COL23A1: variants seen among roughly 807,000 people sequenced by gnomAD.
The protein encoded by COL23A1 is collagen type XXIII alpha 1 chain, also known as collagen alpha-1(XXIII) chain.
Under a neutral mutation model 99.3 loss-of-function variants are expected in COL23A1, and 97 were observed. That is an observed-to-expected ratio of 0.98 (90% CI 0.83 to 1.16). The LOEUF is 1.16. Among genes scored for constraint, COL23A1 ranks in the 50% most tolerant of loss-of-function variants. The pLI, the probability that COL23A1 is intolerant of heterozygous loss-of-function variation, is 0.00. For missense variants in COL23A1, 762 were observed against 757.4 expected, an observed-to-expected ratio of 1.01 and a Z score of -0.07; for synonymous variants, 320 against 308.2, an observed-to-expected ratio of 1.04 and a Z score of -0.40.
At chr5:178,350,461 G>A (rs1761257583) in intron 2 of COL23A1, among the ~76,000 whole-genome samples, 1 of 152,190 alleles carries the variant, frequency 6.6e-6, no homozygotes, top group Non-Finnish European at 1.5e-5. Context: ...CCGTCAGGAA[G>A]CAAGGCTGGA....
At chr5:178,486,487 T>C (rs1393438611) in intron 2 of COL23A1, among the ~76,000 whole-genome samples, 1 of 152,052 alleles carries the variant, frequency 6.6e-6, no homozygotes, top group Non-Finnish European at 1.5e-5. Context: ...ACACGGCCGT[T>C]AGCAAAAAGC....
Position 178,468,749 on chromosome 5 carries a change from G to T in COL23A1, c.361+91933C>A, listed in dbSNP as rs1447163436. On this transcript the variant is annotated intron_variant, in intron 2 of 28. Coordinates refer to ENST00000390654, the MANE Select transcript of COL23A1 (RefSeq NM_173465.4). This position sits in a 1 kb window ranked among gnomAD's most constrained non-coding sequence, Gnocchi z 4.2. ...CTTTTCAAATTAAAAAAAGTATTGT[G>T]GTAAAATATGCATAACATACAATTT... 2.0e-5 allele frequency among the ~76,000 whole-genome samples: 3 copies of T among 152,122 alleles called. No homozygotes were observed. The highest frequency in any genetic ancestry group is 4.4e-5 in the Non-Finnish European group (3 of 68,014).
chr5:178,534,350 C>A (rs775332957), intron 2 of COL23A1, among the ~76,000 whole-genome samples: 12 of 152,250 alleles, frequency 7.9e-5, no homozygotes, highest in Non-Finnish European at 1.6e-4. Flanking sequence ...CTTCCAAAGG[C>A]CCCGCCTCCC....
intron 18 of COL23A1, among the ~76,000 whole-genome samples, chr5:178,249,716 A>ACACACACACACTCACTCT: frequency 1.1e-5 from 1 of 92,752 alleles, no homozygotes; most frequent in Non-Finnish European, 2.2e-5. Flanking sequence ...ACACACACAC[A>ACACACACACACTCACTCT]CTCTCTCTCT....
intron 2 of COL23A1, among the ~76,000 whole-genome samples, chr5:178,456,794 T>C (rs1474441867): frequency 6.6e-6 from 1 of 152,168 alleles, no homozygotes; most frequent in Non-Finnish European, 1.5e-5. Context: ...GAAAAATTTT[T>C]GCAACAAACG....
intron 5 of COL23A1, among the ~76,000 whole-genome samples, chr5:178,271,395 C>G (rs919053642): frequency 6.6e-6 from 1 of 152,220 alleles, no homozygotes; most frequent in African/African-American, 2.4e-5. Context: ...ACATCCTTCC[C>G]TTCTTTGTCC....
At chr5:178,254,683 C>G (rs532449098) in intron 16 of COL23A1, among the ~76,000 whole-genome samples, 2 of 152,308 alleles carry the variant, frequency 1.3e-5, no homozygotes, top group East Asian at 3.9e-4. Flanking sequence ...TACTCTGCCT[C>G]CTGCCCCTGA....
At chr5:178,541,718 G>C (rs565112090) in intron 2 of COL23A1, among the ~76,000 whole-genome samples, 1 of 152,146 alleles carries the variant, frequency 6.6e-6, no homozygotes, top group African/African-American at 2.4e-5. Flanking sequence ...CTCTCTTCAC[G>C]ACAAAAACTG....
At chr5:178,482,538 G>A (rs952230376) in intron 2 of COL23A1, among the ~76,000 whole-genome samples, 2 of 152,160 alleles carry the variant, frequency 1.3e-5, no homozygotes, top group Non-Finnish European at 2.9e-5. Flanking sequence ...TGGTGGTGAT[G>A]GCTGAACAAC....
intron 2 of COL23A1, among the ~76,000 whole-genome samples, chr5:178,385,933 T>C (rs1763646072): frequency 6.6e-6 from 1 of 152,224 alleles, no homozygotes; most frequent in Non-Finnish European, 1.5e-5. Context: ...ACAGTCGTAA[T>C]ACAGCTGACA....
intron 1 of COL23A1, among the ~76,000 whole-genome samples, chr5:178,576,645 G>C (rs1472958569): frequency 6.6e-6 from 1 of 152,146 alleles, no homozygotes; most frequent in Non-Finnish European, 1.5e-5. Flanking sequence ...GGACAGGCGC[G>C]GGGTCGTGGA....
At chr5:178,579,249 C>T (rs1323764571) in intron 1 of COL23A1, among the ~76,000 whole-genome samples, 2 of 152,220 alleles carry the variant, frequency 1.3e-5, no homozygotes, top group African/African-American at 4.8e-5. Flanking sequence ...ATACCAGCAG[C>T]CATGTTCAGG....
chr5:178,566,603 G>A (rs975040416), intron 1 of COL23A1, among the ~76,000 whole-genome samples: 2 of 152,088 alleles, frequency 1.3e-5, no homozygotes, highest in Non-Finnish European at 2.9e-5. Context: ...ATCACCTGAG[G>A]TCAGGAGTTC....
intron 2 of COL23A1, chr5:178,438,637 G>A (rs191220307): frequency 1.2e-4 from 18 of 152,126 alleles, no homozygotes; most frequent in Admixed American, 7.2e-4. Context: ...TACAGAACAC[G>A]TGCAGTGGAA....
chr5:178,457,566 G>A (rs1044984071), intron 2 of COL23A1, among the ~76,000 whole-genome samples: 10 of 152,014 alleles, frequency 6.6e-5, no homozygotes, highest in Non-Finnish European at 1.2e-4. Flanking sequence ...ATGTTCAAAA[G>A]TAGAAAAAAA....
rs560319335 is a variant in COL23A1 at position 178,264,925 on chromosome 5, C to T, written c.523-1601G>A. Among the ~76,000 whole-genome samples, 4 of 152,304 alleles carry T rather than the reference C, an allele frequency of 2.6e-5. No individual in the cohort carries two copies. The East Asian group carries it at 5.8e-4, about 22-fold the overall frequency. ...CCTCCCAAAGTGCTGGGATTACAGG[C>T]GTGAGCCACTGCACCCCGCTGAAGA... On this transcript the variant is annotated intron_variant, in intron 8 of 28. Coordinates refer to ENST00000390654, the MANE Select transcript of COL23A1 (RefSeq NM_173465.4).
intron 2 of COL23A1, among the ~76,000 whole-genome samples, chr5:178,418,780 G>C (rs1159872868): frequency 6.6e-6 from 1 of 152,106 alleles, no homozygotes. Context: ...TCGGCACTGG[G>C]AGGCAGGCCT....
At position 178,450,898 on chromosome 5, in the gene COL23A1, T is replaced by C. The variant is rs547084492; in HGVS notation, c.361+109784A>G. 9.5e-4 allele frequency among the ~76,000 whole-genome samples: 144 copies of C among 152,340 alleles called. 1 individual carries two copies. Among genetic ancestry groups the C allele is most frequent in the African/African-American group, 3.3e-3 (136 of 41,570 alleles). On this transcript the variant is annotated intron_variant, in intron 2 of 28. Transcript: ENST00000390654. ...ATAAGAACACCCAGTTCAGGGCTCC[T>C]CCCCTTACCCTGTGCTGGGTACTAG... is the stretch of plus-strand genomic sequence containing the variant.
At position 178,238,379 on chromosome 5, in the gene COL23A1, C is replaced by G; in HGVS notation, c.*319G>C. 5.2e-6 allele frequency: 2 copies of G among 386,652 alleles called. No individual in the cohort carries two copies. The highest frequency in any genetic ancestry group is 6.3e-5 in the South Asian group (2 of 31,860). The allele number at this position is 386,652 out of a possible 1,614,324, so 24.0% of individuals were successfully genotyped here. The stretch of plus-strand genomic sequence containing the variant: ...AGGGCAGTACCACAGCTGAGAGTCT[C>G]TCTGCTGATCAGGTGACTGAAGGCC... On this transcript the variant is annotated 3_prime_UTR_variant, in exon 29 of 29. Transcript: ENST00000390654.
Sources: allele counts gnomAD v4.1 joint callset (sites outside exome capture counted in the v4.1 genomes callset), GRCh38; gene constraint gnomAD v4.1.1; non-coding constraint Gnocchi (gnomAD v3.1); transcripts MANE v1.5; gene names NCBI Gene and HGNC (gene_info 2026-07-23, HGNC 2026-07-21).